The following ACAT2 variants were observed in gnomAD, a reference collection of about 807,000 sequenced individuals.
ACAT2 encodes acetyl-CoA acetyltransferase, cytosolic.
ACAT2 carries 26 observed loss-of-function variants against 37.1 expected under a neutral mutation model. The ratio of observed to expected loss-of-function variants is 0.70; its 90% CI spans 0.51 to 0.97. The LOEUF (loss-of-function observed/expected upper bound fraction) is 0.97. Among genes scored for constraint, ACAT2 ranks in the 50% least tolerant of loss-of-function variants. ACAT2 has a pLI of 0.00. For missense variants in ACAT2, 468 were observed against 489.0 expected, an observed-to-expected ratio of 0.96 and a Z score of 0.40; for synonymous variants, 156 against 163.6, an observed-to-expected ratio of 0.95 and a Z score of 0.35.
At chr6:159,776,352 A>C in intron 6 of ACAT2, 80 bp downstream of exon 6, 1 of 1,493,216 alleles carries the variant, frequency 6.7e-7, no homozygotes, top group South Asian at 1.3e-5. Flanking sequence ...CTTTATTTAT[A>C]TACAAAAGTA....
chr6:159,772,629 T>C (rs1780355049), intron 4 of ACAT2, among the ~76,000 whole-genome samples: 1 of 152,004 alleles, frequency 6.6e-6, no homozygotes, highest in Non-Finnish European at 1.5e-5. Context: ...GAAGTATATA[T>C]AAGAGAATAG....
chr6:159,771,287 G>A lies in ACAT2; in HGVS notation c.490+2659G>A, dbSNP rs532636410. 4.6e-5 allele frequency among the ~76,000 whole-genome samples: 7 copies of A among 152,272 alleles called. No homozygotes were observed. In the South Asian group the frequency reaches 1.5e-3, roughly 32 times the overall value. On this transcript the variant is annotated intron_variant, in intron 4 of 8. Coordinates refer to ENST00000367048, the MANE Select transcript of ACAT2 (RefSeq NM_005891.3). ...CCCAGCTACTCGGGAGGCTGAGGCA[G>A]GAGAATCGCTTGAACCTGGGAGGCG...
chr6:159,771,172 G>A (rs1255161254), intron 4 of ACAT2, among the ~76,000 whole-genome samples: 7 of 152,224 alleles, frequency 4.6e-5, no homozygotes, highest in African/African-American at 1.7e-4. Flanking sequence ...ACCTGAGGTC[G>A]GGAGTTTGAG....
chr6:159,779,008 T>A lies in ACAT2; in HGVS notation c.*179T>A, dbSNP rs771502553. On this transcript the variant is annotated 3_prime_UTR_variant, in exon 9 of 9. Transcript: ENST00000367048. ...TACTCAACTCAAGGTACAAGACAATTGCATTTAACATTGTTATAAATAAAA... is the reference window on the plus strand; with the variant it reads ...TACTCAACTCAAGGTACAAGACAATAGCATTTAACATTGTTATAAATAAAA... The A allele has an allele frequency of 1.3e-6, 2 of 1,594,764 alleles. No individual in the cohort carries two copies. Among genetic ancestry groups the A allele is most frequent in the Non-Finnish European group, 1.7e-6 (2 of 1,165,634 alleles).
intron 7 of ACAT2, among the ~76,000 whole-genome samples, chr6:159,777,845 C>T (rs1480920831): frequency 1.3e-5 from 2 of 152,192 alleles, no homozygotes; most frequent in Non-Finnish European, 2.9e-5. Context: ...TACCCCCAGC[C>T]ACTGAGAGCA....
rs753815277 is a variant in ACAT2, at chr6:159,762,066, A to G, written c.-22A>G. ...GCCTAGCTTGCAGGCAGCGCAGGGC[A>G]GACGGCGGCAGGAGAAGCAAGATGA... On this transcript the variant is annotated 5_prime_UTR_variant, in exon 1 of 9. Transcript: ENST00000367048. 6.2e-7 allele frequency: 1 copy of G among 1,612,186 alleles called. No homozygotes were observed. Among genetic ancestry groups the G allele is most frequent in the South Asian group, 1.1e-5 (1 of 90,710 alleles).
At chr6:159,762,694 C>T (rs1253402861) in intron 1 of ACAT2, 1 of 1,509,664 alleles carries the variant, frequency 6.6e-7, no homozygotes, top group Admixed American at 2.0e-5. Flanking sequence ...CAGCGGCGTC[C>T]CTAGGCCGTT....
chr6:159,773,144 A>G (rs982985604), intron 4 of ACAT2, among the ~76,000 whole-genome samples: 1 of 152,212 alleles, frequency 6.6e-6, no homozygotes, highest in Non-Finnish European at 1.5e-5. Flanking sequence ...GTGACCCACC[A>G]AACCTGGCCA....
chr6:159,763,204 T>A, intron 2 of ACAT2, 151 bp downstream of exon 2: 1 of 1,090,200 alleles, frequency 9.2e-7, no homozygotes, highest in Non-Finnish European at 1.3e-6. Flanking sequence ...CTGTTATGAT[T>A]CCTCCTGTTG....
chr6:159,766,911 C>T, intron 2 of ACAT2, 94 bp from the exon 3 acceptor site: 1 of 1,478,138 alleles, frequency 6.8e-7, no homozygotes, highest in African/African-American at 1.4e-5. Context: ...TCAGAAGTGG[C>T]AGGTAACCCA....
intron 4 of ACAT2, among the ~76,000 whole-genome samples, chr6:159,771,098 T>C (rs1329982191): frequency 3.5e-5 from 4 of 114,744 alleles, no homozygotes; most frequent in South Asian, 6.1e-4. Flanking sequence ...AATTAAAAAA[T>C]AGGCCAGGTG....
intron 5 of ACAT2, chr6:159,775,576 C>T: frequency 2.8e-6 from 1 of 355,540 alleles, no homozygotes; most frequent in South Asian, 4.8e-5. Context: ...TCATGAGAAG[C>T]TGGAGCACTG....
rs1259781850 is a variant in ACAT2 at position 159,762,159 on chromosome 6, A to T, written c.55+17A>T. On this transcript the variant is annotated intron_variant, in intron 1 of 8. Transcript: ENST00000367048. Reference sequence around the variant, plus strand: ...CCATCATAGGTGAGTGGCCGGCGGGAGCCGCGCAGAGTCCGAGGCGCCTGC... The same window carrying T: ...CCATCATAGGTGAGTGGCCGGCGGGTGCCGCGCAGAGTCCGAGGCGCCTGC... 1 of 1,606,440 alleles carries T rather than the reference A, an allele frequency of 6.2e-7. No homozygotes were observed. Among genetic ancestry groups the T allele is most frequent in the East Asian group, 2.2e-5 (1 of 44,562 alleles).
intron 4 of ACAT2, among the ~76,000 whole-genome samples, chr6:159,770,581 G>A (rs901707324): frequency 6.6e-5 from 10 of 151,964 alleles, no homozygotes; most frequent in African/African-American, 2.4e-4. Context: ...GGAGGCTGAG[G>A]TGGGAGGATC....
At chr6:159,774,039 G>T (rs1780377882) in intron 4 of ACAT2, among the ~76,000 whole-genome samples, 1 of 152,128 alleles carries the variant, frequency 6.6e-6, no homozygotes, top group Non-Finnish European at 1.5e-5. Flanking sequence ...CTAGAAACCT[G>T]GTGAATACCA....
rs150831483 is a variant in ACAT2 at position 159,765,723 on chromosome 6, A to G, written c.191-1282A>G. On this transcript the variant is annotated intron_variant, in intron 2 of 8. Transcript: ENST00000367048. ...AGTGCTGGGATTACAGGTGTGAGCCACTGCTCACAGCCTGAGGCACCGCAC... is the reference window on the plus strand; with the variant it reads ...AGTGCTGGGATTACAGGTGTGAGCCGCTGCTCACAGCCTGAGGCACCGCAC... 3.3e-5 allele frequency among the ~76,000 whole-genome samples: 5 copies of G among 152,058 alleles called. No homozygotes were observed. In the East Asian group the frequency reaches 9.7e-4, roughly 29 times the overall value.
At chr6:159,772,014 A>G (rs946958134) in intron 4 of ACAT2, among the ~76,000 whole-genome samples, 2 of 152,186 alleles carry the variant, frequency 1.3e-5, no homozygotes, top group East Asian at 1.9e-4. Flanking sequence ...TCATGAGGTC[A>G]GGAGATTGAG....
intron 2 of ACAT2, among the ~76,000 whole-genome samples, chr6:159,763,629 CTTTTTTTTT>C (rs765044833): frequency 3.8e-4 from 29 of 76,402 alleles, no homozygotes; most frequent in South Asian, 2.7e-3. Context: ...TTTTCTTTTC[CTTTTTTTTT>C]TTTTTTTTTT....
chr6:159,773,771 A>C (rs995473747), intron 4 of ACAT2, among the ~76,000 whole-genome samples: 2 of 152,256 alleles, frequency 1.3e-5, no homozygotes, highest in Admixed American at 1.3e-4. Flanking sequence ...GTTATAACTT[A>C]TTCAATAAAA....
Sources: gnomAD v4.1 joint callset for allele counts (sites outside exome capture counted in the v4.1 genomes callset) on GRCh38, gnomAD v4.1.1 for gene constraint, MANE v1.5 for transcripts, NCBI Gene and HGNC (gene_info 2026-07-23, HGNC 2026-07-21) for gene names.